The following GPC3 variants were observed in gnomAD, a reference collection of about 807,000 sequenced individuals.
GPC3 encodes the protein glypican 3.
In GPC3, 3 loss-of-function variants were observed where a neutral mutation model predicts 34.4. That is an observed-to-expected ratio of 0.09 (90% CI 0.04 to 0.23). The LOEUF (loss-of-function observed/expected upper bound fraction) is 0.23, where lower values mean the gene tolerates loss of function less well. GPC3 is among the 10% of genes least tolerant of loss of function. GPC3 has a pLI of 1.00. For synonymous variants in GPC3, 177 were observed against 174.0 expected, an observed-to-expected ratio of 1.02 and a Z score of -0.13; for missense variants, 351 against 445.6, an observed-to-expected ratio of 0.79 and a Z score of 1.91.
chrX:133,563,229 C>T (rs2069554489), intron 7 of GPC3, among the ~76,000 whole-genome samples: 2 of 111,324 alleles, frequency 1.8e-5, no homozygotes, highest in South Asian at 7.7e-4. Flanking sequence ...TACAAAAGAG[C>T]TGGATTTTGT....
chrX:133,941,246 A>G (rs1326601595), intron 2 of GPC3, among the ~76,000 whole-genome samples: 1 of 112,275 alleles, frequency 8.9e-6, no homozygotes, highest in Non-Finnish European at 1.9e-5. Context: ...CATTTCCCCA[A>G]CTGGGAAGGA....
intron 5 of GPC3, among the ~76,000 whole-genome samples, chrX:133,663,954 C>T (rs1394464940): frequency 8.9e-6 from 1 of 112,064 alleles, no homozygotes; most frequent in East Asian, 2.8e-4. Context: ...TTTCTGTGAT[C>T]TGAATACTCT....
intron 2 of GPC3, among the ~76,000 whole-genome samples, chrX:133,789,603 G>T (rs890918560): frequency 8.9e-6 from 1 of 112,104 alleles, no homozygotes; most frequent in African/African-American, 3.2e-5. Context: ...AAGAGGCCAG[G>T]TTTTCTGATT....
chrX:133,846,872 C>T (rs2075849166), intron 2 of GPC3, among the ~76,000 whole-genome samples: 1 of 111,844 alleles, frequency 8.9e-6, no homozygotes, highest in Admixed American at 9.5e-5. Flanking sequence ...CCTAAACCAG[C>T]TTTGCTCATA....
chrX:133,538,534 A>G lies in GPC3; in HGVS notation c.1574-2241T>C, dbSNP rs1310351826. 9.0e-5 allele frequency among the ~76,000 whole-genome samples: 10 copies of G among 111,447 alleles called. No homozygotes were observed. In the Admixed American group the frequency reaches 9.6e-4, roughly 11 times the overall value. Reference sequence around the variant, plus strand: ...AGCTCCTACACTGTTTCTTTCTTCAAATCATCTGCTAACTTTCAACAGTTT... The same window carrying G: ...AGCTCCTACACTGTTTCTTTCTTCAGATCATCTGCTAACTTTCAACAGTTT... On this transcript the variant is annotated intron_variant, in intron 7 of 7. Transcript: ENST00000370818.
chrX:133,784,689 C>T (rs1462357123), intron 2 of GPC3, among the ~76,000 whole-genome samples: 1 of 112,274 alleles, frequency 8.9e-6, no homozygotes, highest in East Asian at 2.8e-4. Context: ...GGGCATGATC[C>T]CTCATTTCTT....
chrX:133,921,112 A>G (rs999443359), intron 2 of GPC3, among the ~76,000 whole-genome samples: 7 of 112,475 alleles, frequency 6.2e-5, no homozygotes, highest in African/African-American at 2.3e-4. Flanking sequence ...AGCTATTTCT[A>G]TTACAAGGTT....
chrX:133,595,889 T>A (rs1366249524), intron 7 of GPC3, among the ~76,000 whole-genome samples: 3 of 111,917 alleles, frequency 2.7e-5, no homozygotes, highest in Non-Finnish European at 5.6e-5. Flanking sequence ...GAAAACAAAA[T>A]AGACATAACG....
At chrX:133,714,687 T>A (rs1233384448) in intron 3 of GPC3, among the ~76,000 whole-genome samples, 1 of 111,966 alleles carries the variant, frequency 8.9e-6, no homozygotes, top group Non-Finnish European at 1.9e-5. Context: ...TGCTCCTCCA[T>A]AAAAGCAATG....
intron 2 of GPC3, chrX:133,763,290 C>G: frequency 3.6e-6 from 2 of 562,123 alleles, no homozygotes; most frequent in Non-Finnish European, 6.3e-6. Flanking sequence ...CATGCAACAA[C>G]AAGGGAGCTC....
chrX:133,922,999 C>T (rs999833124), intron 2 of GPC3, among the ~76,000 whole-genome samples: 1 of 111,033 alleles, frequency 9.0e-6, no homozygotes, highest in African/African-American at 3.3e-5. Flanking sequence ...CCCAAGGTCA[C>T]ATAGAGGCAG....
intron 3 of GPC3, among the ~76,000 whole-genome samples, chrX:133,701,133 C>T (rs1226929085): frequency 9.0e-6 from 1 of 111,188 alleles, no homozygotes; most frequent in Non-Finnish European, 1.9e-5. Flanking sequence ...TTTAAAATGG[C>T]ATAATCTTTC....
At chrX:133,965,500 C>A (rs1402904451) in intron 1 of GPC3, among the ~76,000 whole-genome samples, 1 of 110,940 alleles carries the variant, frequency 9.0e-6, no homozygotes, top group Non-Finnish European at 1.9e-5. Flanking sequence ...CAACCACAAA[C>A]CGAAAAATGC....
chrX:133,900,907 G>A (rs1374319272), intron 2 of GPC3, among the ~76,000 whole-genome samples: 3 of 111,545 alleles, frequency 2.7e-5, no homozygotes, highest in East Asian at 5.6e-4. Flanking sequence ...TCACAGAGTA[G>A]AATTTATTTT....
chrX:133,654,089 T>A (rs1483802619), intron 6 of GPC3, among the ~76,000 whole-genome samples: 2 of 111,466 alleles, frequency 1.8e-5, no homozygotes, highest in Non-Finnish European at 3.8e-5. Flanking sequence ...AAAAGTACCT[T>A]AAATGAAATC....
chrX:133,936,855 T>A (rs1357433433), intron 2 of GPC3, among the ~76,000 whole-genome samples: 1 of 111,807 alleles, frequency 8.9e-6, no homozygotes, highest in Non-Finnish European at 1.9e-5. Flanking sequence ...CTTCCACATT[T>A]ATTCCTAATG....
intron 2 of GPC3, among the ~76,000 whole-genome samples, chrX:133,793,289 A>G (rs2072186694): frequency 8.9e-6 from 1 of 112,038 alleles, no homozygotes; most frequent in African/African-American, 3.2e-5. Flanking sequence ...AAGAAAATAT[A>G]TAAAGAAAAA....
intron 7 of GPC3, among the ~76,000 whole-genome samples, chrX:133,583,435 G>A (rs1278103783): frequency 9.0e-6 from 1 of 111,633 alleles, no homozygotes; most frequent in East Asian, 2.8e-4. Context: ...TGCGATCTCA[G>A]CTCACTACAA....
At chrX:133,740,531 T>TA (rs1163613793) in intron 3 of GPC3, among the ~76,000 whole-genome samples, 1 of 112,336 alleles carries the variant, frequency 8.9e-6, no homozygotes, top group Non-Finnish European at 1.9e-5. Context: ...CACAATTTTT[T>TA]AAAAAAATAT....
Sources: allele counts gnomAD v4.1 joint callset (sites outside exome capture counted in the v4.1 genomes callset), GRCh38; gene constraint gnomAD v4.1.1; transcripts MANE v1.5; gene names NCBI Gene and HGNC (gene_info 2026-07-23, HGNC 2026-07-21).